Variants in UBE3D observed in about 807,000 individuals in gnomAD.
UBE3D encodes the protein ubiquitin protein ligase E3D, also known as E3 ubiquitin-protein ligase E3D.
UBE3D carries 48 observed loss-of-function variants against 49.6 expected under a neutral mutation model. That is an observed-to-expected ratio of 0.97 (90% CI 0.77 to 1.23). The LOEUF is 1.23. UBE3D is among the 50% of genes most tolerant of loss of function. The probability of loss-of-function intolerance (pLI) is 0.00; values close to 1 mark genes in which losing one functional copy is unlikely to be tolerated. For missense variants in UBE3D, 452 were observed against 468.4 expected, an observed-to-expected ratio of 0.96 and a Z score of 0.32; for synonymous variants, 189 against 174.2, an observed-to-expected ratio of 1.08 and a Z score of -0.67.
intron 7 of UBE3D, among the ~76,000 whole-genome samples, chr6:83,022,085 G>A (rs901267577): frequency 3.3e-5 from 5 of 151,682 alleles, no homozygotes; most frequent in Non-Finnish European, 5.9e-5. Flanking sequence ...TGAGTGCAGC[G>A]GCACCATCTT....
At chr6:82,890,397 T>C (rs1346110786), downstream of UBE3D, among the ~76,000 whole-genome samples, 1 of 152,122 alleles carries the variant, frequency 6.6e-6, no homozygotes, top group African/African-American at 2.4e-5. Flanking sequence ...TAGATGTAAA[T>C]AACTCACTTT....
chr6:83,049,538 T>C (rs934546867), intron 3 of UBE3D, among the ~76,000 whole-genome samples: 7 of 152,230 alleles, frequency 4.6e-5, no homozygotes, highest in Non-Finnish European at 1.0e-4. Context: ...TGTGACTGTA[T>C]TCTTGGGAGT....
chr6:82,925,236 CAA>C (rs1773659410), intron 9 of UBE3D: 1 of 152,080 alleles, frequency 6.6e-6, no homozygotes, highest in African/African-American at 2.4e-5. Flanking sequence ...GAATATAAAC[CAA>C]AGTCACCTTC....
At chr6:83,035,917 G>A (rs1446422650) in intron 5 of UBE3D, 6 of 151,870 alleles carry the variant, frequency 4.0e-5, no homozygotes, top group Admixed American at 2.6e-4. Flanking sequence ...TACTCACTAT[G>A]TGCCAGACAT....
At chr6:83,016,200 G>A (rs1256500578) in intron 8 of UBE3D, among the ~76,000 whole-genome samples, 1 of 152,142 alleles carries the variant, frequency 6.6e-6, no homozygotes, top group Non-Finnish European at 1.5e-5. Flanking sequence ...TTCTGAAGCT[G>A]GGAGTTAGAA....
At chr6:82,976,986 C>T (rs1777765221) in intron 8 of UBE3D, among the ~76,000 whole-genome samples, 1 of 151,784 alleles carries the variant, frequency 6.6e-6, no homozygotes, top group South Asian at 2.1e-4. Context: ...TTGTGGCAGG[C>T]ACCTGTAGTC....
intron 9 of UBE3D, chr6:82,938,221 A>G (rs1236973696): frequency 6.6e-6 from 1 of 152,026 alleles, no homozygotes; most frequent in Non-Finnish European, 1.5e-5. Context: ...ATTTAACCCA[A>G]CCCTTCATCC....
At chr6:82,970,481 G>T (rs1318262281) in intron 8 of UBE3D, among the ~76,000 whole-genome samples, 2 of 152,068 alleles carry the variant, frequency 1.3e-5, no homozygotes, top group Non-Finnish European at 2.9e-5. Context: ...TTTTAAAAAG[G>T]TTTTTAAGTA....
In UBE3D at chr6:83,022,530, A is replaced by G. The variant is rs1405736452; in HGVS notation, c.769T>C (p.Cys257Arg). 2 of 1,605,054 alleles carry G rather than the reference A, an allele frequency of 1.2e-6. No homozygotes were observed. Among genetic ancestry groups the G allele is most frequent in the Non-Finnish European group, 1.7e-6 (2 of 1,176,708 alleles). Residue 257 changes from cysteine to arginine, a missense_variant, in exon 7 of 10, where the codon TGT becomes CGT. Cys to Arg is a radical substitution (Grantham distance 180, BLOSUM62 -3). Coordinates refer to ENST00000369747, the MANE Select transcript of UBE3D (RefSeq NM_198920.3). ...CTAGCAGAGGAGAGCTGCACCAGAC[A>G]CTGGGCGATCACGCTCTGGACAAAC... ...SWFVQSVIAQ[C>R]LVQLSSARST...
At chr6:82,894,675 A>AGAG (rs1420267478) in intron 9 of UBE3D, among the ~76,000 whole-genome samples, 1 of 152,182 alleles carries the variant, frequency 6.6e-6, no homozygotes, top group African/African-American at 2.4e-5. Flanking sequence ...TCAGCTGACA[A>AGAG]GAGATATTAG....
At chr6:82,919,532 C>A (rs1485371308) in intron 9 of UBE3D, among the ~76,000 whole-genome samples, 4 of 151,708 alleles carry the variant, frequency 2.6e-5, no homozygotes, top group Non-Finnish European at 5.9e-5. Flanking sequence ...GGAGGTGGAG[C>A]TTGCAGTGAG....
intron 5 of UBE3D, among the ~76,000 whole-genome samples, chr6:83,034,868 C>A (rs1782131756): frequency 6.6e-6 from 1 of 151,860 alleles, no homozygotes; most frequent in South Asian, 2.1e-4. Context: ...TTTATCAATT[C>A]CACTTTATAA....
At chr6:82,969,187 T>C (rs1210694610) in intron 8 of UBE3D, among the ~76,000 whole-genome samples, 1 of 117,330 alleles carries the variant, frequency 8.5e-6, no homozygotes, top group Non-Finnish European at 1.6e-5. Flanking sequence ...AAGATATTTA[T>C]GTAAAAAGCA....
At chr6:82,993,025 T>A (rs1778998237) in intron 8 of UBE3D, among the ~76,000 whole-genome samples, 1 of 151,842 alleles carries the variant, frequency 6.6e-6, no homozygotes, top group Non-Finnish European at 1.5e-5. Context: ...TAACACAGTA[T>A]CAGTTAGTTG....
At chr6:83,010,044 T>G (rs1344827981) in intron 8 of UBE3D, among the ~76,000 whole-genome samples, 1 of 151,780 alleles carries the variant, frequency 6.6e-6, no homozygotes, top group Non-Finnish European at 1.5e-5. Context: ...TCACAAAGGA[T>G]CCAACATAGG....
rs368871163 is a variant in UBE3D, at chr6:83,038,090, CAA to C, written c.667+324_667+325del. 1.6e-3 allele frequency: 251 copies of C among 157,360 alleles called. 1 individual carries two copies. The highest frequency in any genetic ancestry group is 0.015 in the South Asian group (70 of 4,572). The allele number at this position is 157,360 out of a possible 1,614,324, so 9.7% of individuals were successfully genotyped here. ...AAAAGAAGAAGAAGAAAGAAGGAAACAAAGAGAGAAAAAAGCTCCAATTTTCT... is the reference window on the plus strand; with the variant it reads ...AAAAGAAGAAGAAGAAAGAAGGAAACAGAGAGAAAAAAGCTCCAATTTTCT... On this transcript the variant is annotated intron_variant, in intron 5 of 9. Coordinates refer to ENST00000369747, the MANE Select transcript of UBE3D (RefSeq NM_198920.3).
Position 82,892,680 on chromosome 6 carries a change from C to G in UBE3D, c.*342G>C, listed in dbSNP as rs1388596788. The stretch of plus-strand genomic sequence containing the variant: ...ATAAAATTCCTCACTGGATTCCACA[C>G]AGGACAGATGGATCTCCATTAGGTA... On this transcript the variant is annotated 3_prime_UTR_variant, in exon 10 of 10. Coordinates refer to ENST00000369747, the MANE Select transcript of UBE3D (RefSeq NM_198920.3). 3.5e-6 allele frequency: 1 copy of G among 289,174 alleles called. No homozygotes were observed. The highest frequency in any genetic ancestry group is 6.7e-6 in the Non-Finnish European group (1 of 149,868). The allele number at this position is 289,174 out of a possible 1,614,324, so 17.9% of individuals were successfully genotyped here.
rs143790716 is a variant in UBE3D, at chr6:83,020,126, T to C, written c.847-990A>G. ...GTGATAATTATCTGAGTTTCAAATA[T>C]ACAAATTCTTATATTACATTAGAAA... On this transcript the variant is annotated intron_variant, in intron 7 of 9. Coordinates refer to ENST00000369747, the MANE Select transcript of UBE3D (RefSeq NM_198920.3). Among the ~76,000 whole-genome samples, 1,470 of 152,246 alleles carry C rather than the reference T, an allele frequency of 9.7e-3. 22 individuals are homozygous for C. The highest frequency in any genetic ancestry group is 0.034 in the African/African-American group (1,393 of 41,532).
chr6:83,039,810 A>C (rs942860723), intron 4 of UBE3D, among the ~76,000 whole-genome samples: 1 of 151,906 alleles, frequency 6.6e-6, no homozygotes, highest in Non-Finnish European at 1.5e-5. Flanking sequence ...TGCCCGGCTA[A>C]TTTTTGTAGT....
Sources: allele counts gnomAD v4.1 joint callset (sites outside exome capture counted in the v4.1 genomes callset), GRCh38; gene constraint gnomAD v4.1.1; transcripts MANE v1.5; gene names NCBI Gene and HGNC (gene_info 2026-07-23, HGNC 2026-07-21).